Variants in SOX6 observed in about 807,000 individuals in gnomAD.
SOX6 encodes SRY-box transcription factor 6, also known as transcription factor SOX-6.
Under a neutral mutation model 97.8 loss-of-function variants are expected in SOX6, and 11 were observed. The observed-to-expected ratio is 0.11, with a 90% CI of 0.07 to 0.19. The LOEUF is 0.19. Among genes scored for constraint, SOX6 ranks in the 10% least tolerant of loss-of-function variants. The probability of loss-of-function intolerance (pLI) is 1.00; values close to 1 mark genes in which losing one functional copy is unlikely to be tolerated. For missense variants in SOX6, 810 were observed against 1,039.5 expected (o/e 0.78, Z 3.04); for synonymous variants, 360 against 371.4 (o/e 0.97, Z 0.35).
At chr11:16,143,739 T>A (rs1184103545) in intron 6 of SOX6, among the ~76,000 whole-genome samples, 1 of 151,672 alleles carries the variant, frequency 6.6e-6, no homozygotes, top group African/African-American at 2.4e-5. Context: ...CCAACAAAGA[T>A]CAAAAGAGAC....
At chr11:16,214,552 G>A (rs1285284105) in intron 4 of SOX6, among the ~76,000 whole-genome samples, 1 of 151,936 alleles carries the variant, frequency 6.6e-6, no homozygotes, top group East Asian at 1.9e-4. Context: ...TGACTCAACT[G>A]CTAAAATAAC....
intron 4 of SOX6, among the ~76,000 whole-genome samples, chr11:16,487,153 C>A (rs1860449092): frequency 5.3e-5 from 8 of 151,952 alleles, no homozygotes; most frequent in Admixed American, 5.2e-4. Flanking sequence ...AGAAAAGATT[C>A]TCAATGATTT....
chr11:16,641,875 G>A (rs560823452), intron 3 of SOX6, among the ~76,000 whole-genome samples: 1,705 of 152,278 alleles, frequency 0.011, 24 homozygotes, highest in African/African-American at 0.039. Flanking sequence ...GCCAGTCTGT[G>A]TCTTTTAATT....
chr11:16,038,648 T>C (rs1487610783), intron 12 of SOX6, among the ~76,000 whole-genome samples: 1 of 152,170 alleles, frequency 6.6e-6, no homozygotes. Context: ...AAAGCCAGTA[T>C]TGAGCCCTGG....
intron 3 of SOX6, among the ~76,000 whole-genome samples, chr11:16,671,799 A>G (rs1166011930): frequency 6.6e-6 from 1 of 152,174 alleles, no homozygotes; most frequent in African/African-American, 2.4e-5. Flanking sequence ...AATACAGAGA[A>G]CTCCTGAAAG....
Position 16,605,249 on chromosome 11 carries a change from A to C in SOX6, n.609+6832T>G, listed in dbSNP as rs988018040. Among the ~76,000 whole-genome samples the C allele has an allele frequency of 1.1e-3, 168 of 152,074 alleles. 1 individual carries two copies. Among genetic ancestry groups the C allele is most frequent in the African/African-American group, 3.9e-3 (164 of 41,522 alleles). ...GGCTCAGGGACGCGGGGCGGGGAAG[A>C]AACGTGCCGGCGACCGTGCGCTCGG... On this transcript the variant is annotated intron_variant and non_coding_transcript_variant, in intron 4 of 5. Transcript: ENST00000524520. This position sits in a 1 kb window ranked among gnomAD's most constrained non-coding sequence, Gnocchi z 5.3.
chr11:16,154,225 C>G (rs1850538017), intron 6 of SOX6, among the ~76,000 whole-genome samples: 1 of 151,912 alleles, frequency 6.6e-6, no homozygotes, highest in Non-Finnish European at 1.5e-5. Flanking sequence ...TAATCAGGAT[C>G]CTAACTAGAG....
In SOX6 at chr11:16,238,136, A is replaced by T. The variant is rs575317164; in HGVS notation, c.446-3465T>A. On this transcript the variant is annotated intron_variant, in intron 3 of 15. Coordinates refer to ENST00000683767, the MANE Select transcript of SOX6 (RefSeq NM_001367873.1). ...ACTTTATCTTCTCTAATTTTTATAAATAATAATGATTAAAAGAGTACTATC... is the reference window on the plus strand; with the variant it reads ...ACTTTATCTTCTCTAATTTTTATAATTAATAATGATTAAAAGAGTACTATC... Among the ~76,000 whole-genome samples the T allele has an allele frequency of 4.1e-3, 630 of 152,128 alleles. 2 individuals carry two copies. Among genetic ancestry groups the T allele is most frequent in the Non-Finnish European group, 7.2e-3 (489 of 67,918 alleles).
chr11:16,380,152 A>G (rs917937457), intron 1 of SOX6, among the ~76,000 whole-genome samples: 1 of 151,854 alleles, frequency 6.6e-6, no homozygotes, highest in Admixed American at 6.6e-5. Context: ...AATTTCTTCT[A>G]TATAATATCT....
intron 4 of SOX6, among the ~76,000 whole-genome samples, chr11:16,534,239 C>G (rs542599253): frequency 1.3e-5 from 2 of 152,068 alleles, no homozygotes; most frequent in Non-Finnish European, 2.9e-5. Context: ...CTAGAAAATT[C>G]TCAAATGAGC....
chr11:16,056,968 AAAC>A (rs1301245591), intron 9 of SOX6, among the ~76,000 whole-genome samples: 2 of 152,180 alleles, frequency 1.3e-5, no homozygotes, highest in Admixed American at 6.6e-5. Context: ...CAAAAAACCA[AAAC>A]AACAACAACA....
chr11:16,619,440 T>G (rs1434411898), intron 3 of SOX6, among the ~76,000 whole-genome samples: 2 of 152,010 alleles, frequency 1.3e-5, no homozygotes, highest in African/African-American at 4.8e-5. Flanking sequence ...AACTGCATAT[T>G]TGGTATCCAC....
intron 6 of SOX6, among the ~76,000 whole-genome samples, chr11:16,176,104 GATGGATGA>G (rs961546016): frequency 6.6e-6 from 1 of 151,220 alleles, no homozygotes; most frequent in African/African-American, 2.4e-5. Context: ...TGGATGGATG[GATGGATGA>G]GACAGAGAGA....
chr11:16,661,114 T>C (rs1847762714), intron 3 of SOX6, among the ~76,000 whole-genome samples: 1 of 152,238 alleles, frequency 6.6e-6, no homozygotes, highest in Admixed American at 6.5e-5. Flanking sequence ...TTTTACCTAA[T>C]GCAATTTGAC....
At chr11:16,025,626 A>C (rs1203521695) in intron 12 of SOX6, among the ~76,000 whole-genome samples, 1 of 152,210 alleles carries the variant, frequency 6.6e-6, no homozygotes, top group Non-Finnish European at 1.5e-5. Flanking sequence ...AGTGCAGTTT[A>C]TTCAAGTTGA....
chr11:16,141,675 G>C (rs931139551), intron 6 of SOX6, among the ~76,000 whole-genome samples: 1 of 152,140 alleles, frequency 6.6e-6, no homozygotes, highest in African/African-American at 2.4e-5. Context: ...ATTTTCCAAT[G>C]GTCTTAGCAA....
intron 2 of SOX6, among the ~76,000 whole-genome samples, chr11:16,727,651 T>C (rs1259663757): frequency 2.0e-5 from 3 of 151,848 alleles, no homozygotes; most frequent in Non-Finnish European, 4.4e-5. Flanking sequence ...TTGGCCAGGC[T>C]GGTCTCGAAT....
chr11:16,388,423 C>T (rs1318490153), intron 1 of SOX6, among the ~76,000 whole-genome samples: 1 of 152,002 alleles, frequency 6.6e-6, no homozygotes, highest in Non-Finnish European at 1.5e-5. Flanking sequence ...ATGCTGGCCT[C>T]ATAAAATGAG....
intron 13 of SOX6, among the ~76,000 whole-genome samples, chr11:16,006,946 T>C (rs1854572378): frequency 1.3e-5 from 2 of 152,040 alleles, no homozygotes; most frequent in South Asian, 2.1e-4. Context: ...AAAGTCCTGG[T>C]TCCTAGCACC....
Sources: gnomAD v4.1 joint callset for allele counts (sites outside exome capture counted in the v4.1 genomes callset) on GRCh38, gnomAD v4.1.1 for gene constraint, Gnocchi (gnomAD v3.1) non-coding constraint, MANE v1.5 for transcripts, NCBI Gene and HGNC (gene_info 2026-07-23, HGNC 2026-07-21) for gene names.